ARB2A: variants seen among roughly 807,000 people sequenced by gnomAD.
ARB2A encodes the protein ARB2 cotranscriptional regulator A.
At chr5:94,098,053 G>C in the ARB2A span, among the ~76,000 whole-genome samples, 2 of 152,214 alleles carry the variant, frequency 1.3e-5, no homozygotes, top group Admixed American at 1.3e-4. Flanking sequence ...TTCAGGGTTA[G>C]AGCATGCAGC....
At chr5:94,105,532 A>C in the ARB2A span, among the ~76,000 whole-genome samples, 2 of 152,184 alleles carry the variant, frequency 1.3e-5, no homozygotes, top group Non-Finnish European at 2.9e-5. Context: ...GGAAGAATCA[A>C]TATTATTTAA....
the ARB2A span, among the ~76,000 whole-genome samples, chr5:94,107,629 A>T: frequency 1.3e-5 from 2 of 152,126 alleles, no homozygotes; most frequent in Non-Finnish European, 2.9e-5. Flanking sequence ...ATTATATTTT[A>T]AAAATTTTTT....
At chr5:93,683,311 T>C in the ARB2A span, 7 of 1,604,470 alleles carry the variant, frequency 4.4e-6, no homozygotes, top group Non-Finnish European at 5.9e-6. Context: ...CAGATATACT[T>C]CAGAGTTTCA....
the ARB2A span, among the ~76,000 whole-genome samples, chr5:93,798,758 T>C: frequency 6.6e-6 from 1 of 152,130 alleles, no homozygotes; most frequent in Admixed American, 6.6e-5. Context: ...CAACTGATAA[T>C]GCCTCTCCTT....
the ARB2A span, chr5:93,805,168 A>G: frequency 2.0e-6 from 2 of 984,942 alleles, no homozygotes; most frequent in Non-Finnish European, 2.4e-6. Flanking sequence ...TCACCAATCT[A>G]AATATATGAT....
chr5:93,728,552 A>C, the ARB2A span, among the ~76,000 whole-genome samples: 1 of 152,082 alleles, frequency 6.6e-6, no homozygotes, highest in South Asian at 2.1e-4. Context: ...TTTTTTTAAA[A>C]TCAAAAGCCT....
At chr5:94,110,315 A>G in the ARB2A span, among the ~76,000 whole-genome samples, 3 of 152,248 alleles carry the variant, frequency 2.0e-5, no homozygotes, top group African/African-American at 4.8e-5. Flanking sequence ...CCATCACCTG[A>G]ACACTATCCG....
chr5:93,819,207 G>A, the ARB2A span, among the ~76,000 whole-genome samples: 1 of 139,926 alleles, frequency 7.1e-6, no homozygotes, highest in African/African-American at 2.6e-5. Flanking sequence ...AAAAAAAAAG[G>A]TTTAAACTCT....
the ARB2A span, among the ~76,000 whole-genome samples, chr5:93,714,871 C>T: frequency 6.6e-6 from 1 of 151,956 alleles, no homozygotes; most frequent in Non-Finnish European, 1.5e-5. Context: ...GGTTCTTTAC[C>T]CCATTAGTCA....
the ARB2A span, among the ~76,000 whole-genome samples, chr5:94,008,710 A>T: frequency 6.6e-6 from 1 of 152,206 alleles, no homozygotes; most frequent in Non-Finnish European, 1.5e-5. Flanking sequence ...CCATACGATT[A>T]TATGTTCTAT....
chr5:93,795,515 A>G, the ARB2A span, among the ~76,000 whole-genome samples: 1 of 152,142 alleles, frequency 6.6e-6, no homozygotes, highest in Non-Finnish European at 1.5e-5. Flanking sequence ...TTCTTGGAGC[A>G]TACATTCATG....
chr5:93,834,003 G>A, the ARB2A span, among the ~76,000 whole-genome samples: 1 of 152,022 alleles, frequency 6.6e-6, no homozygotes, highest in African/African-American at 2.4e-5. Flanking sequence ...CCCACCTTTG[G>A]TAGTCCCTAA....
chr5:93,867,857 A>G, the ARB2A span, among the ~76,000 whole-genome samples: 54 of 152,268 alleles, frequency 3.5e-4, no homozygotes, highest in East Asian at 9.8e-3. Flanking sequence ...TCAAGGAAAA[A>G]AAAAACCTAT....
chr5:93,837,789 G>A, the ARB2A span, among the ~76,000 whole-genome samples: 1 of 152,162 alleles, frequency 6.6e-6, no homozygotes, highest in South Asian at 2.1e-4. Context: ...TCGTATGCTT[G>A]TTGGCCACAT....
At chr5:93,727,460 C>CA in the ARB2A span, among the ~76,000 whole-genome samples, 1 of 152,008 alleles carries the variant, frequency 6.6e-6, no homozygotes, top group African/African-American at 2.4e-5. Context: ...AGTTGAGTTA[C>CA]AAATAACTCA....
the ARB2A span, among the ~76,000 whole-genome samples, chr5:94,046,747 G>A: frequency 1.3e-5 from 2 of 152,054 alleles, no homozygotes; most frequent in Non-Finnish European, 2.9e-5. Flanking sequence ...CCTCACTCAT[G>A]CTTATCGGAT....
the ARB2A span, among the ~76,000 whole-genome samples, chr5:94,029,345 A>C: frequency 6.6e-6 from 1 of 152,126 alleles, no homozygotes; most frequent in Non-Finnish European, 1.5e-5. Context: ...AGTCTCCCTG[A>C]TTTCCAACAC....
chr5:93,964,135 C>T, the ARB2A span, among the ~76,000 whole-genome samples: 115 of 151,820 alleles, frequency 7.6e-4, no homozygotes, highest in Non-Finnish European at 1.4e-3. Context: ...TGGTTTACTA[C>T]AAATAAATAA....
chr5:93,681,713 C>G, the ARB2A span, among the ~76,000 whole-genome samples: 1 of 152,224 alleles, frequency 6.6e-6, no homozygotes, highest in Admixed American at 6.5e-5. Flanking sequence ...TTCACCGAGG[C>G]CAGGCACAAG....
Sources: gnomAD v4.1 joint callset for allele counts (sites outside exome capture counted in the v4.1 genomes callset) on GRCh38, gnomAD v4.1.1 for gene constraint, MANE v1.5 for transcripts, NCBI Gene and HGNC (gene_info 2026-07-23, HGNC 2026-07-21) for gene names.